The following MTUS2 variants were observed in gnomAD, a reference collection of about 807,000 sequenced individuals.
The protein encoded by MTUS2 is microtubule associated scaffold protein 2, also known as microtubule-associated tumor suppressor candidate 2.
A neutral mutation model predicts 114.1 loss-of-function variants in MTUS2; 40 were observed. The observed-to-expected ratio is 0.35, with a 90% CI of 0.27 to 0.46. The LOEUF is 0.46. Ranked by LOEUF, MTUS2 falls within the 20% of genes least tolerant of loss-of-function variation. The pLI is 1.00. For synonymous variants in MTUS2, 688 were observed against 672.0 expected (o/e 1.02, Z -0.37); for missense variants, 1,679 against 1,705.4 (o/e 0.98, Z 0.27).
chr13:28,978,811 T>G (rs1428977734), intron 2 of MTUS2, among the ~76,000 whole-genome samples: 2 of 152,196 alleles, frequency 1.3e-5, no homozygotes, highest in East Asian at 1.9e-4. Context: ...GTCAGTGGAC[T>G]CTACACTATC....
chr13:29,472,486 T>G (rs1031239996), intron 9 of MTUS2, among the ~76,000 whole-genome samples: 1 of 152,218 alleles, frequency 6.6e-6, no homozygotes, highest in Non-Finnish European at 1.5e-5. Context: ...CTTGCGGATG[T>G]TCCTGTGACC....
At chr13:29,127,928 ATACG>A (rs1318933811) in intron 5 of MTUS2, among the ~76,000 whole-genome samples, 11 of 152,250 alleles carry the variant, frequency 7.2e-5, no homozygotes, top group African/African-American at 2.7e-4. Flanking sequence ...GCAAAGTGCT[ATACG>A]TACAAACCTG....
chr13:29,107,914 T>C (rs1221859323), intron 5 of MTUS2, among the ~76,000 whole-genome samples: 2 of 152,186 alleles, frequency 1.3e-5, no homozygotes, highest in Non-Finnish European at 2.9e-5. Flanking sequence ...TTCTTTTAAT[T>C]ATTGAATAGG....
intron 8 of MTUS2, chr13:29,428,828 A>G: frequency 6.2e-7 from 1 of 1,613,864 alleles, no homozygotes. Context: ...TCCCCTTGCC[A>G]GCCAGCCTGC....
chr13:29,313,881 CT>C (rs1899877341), intron 6 of MTUS2, among the ~76,000 whole-genome samples: 2 of 152,062 alleles, frequency 1.3e-5, no homozygotes, highest in Non-Finnish European at 2.9e-5. Flanking sequence ...AGTAGCAACC[CT>C]GGAAGTTAAA....
At chr13:28,960,784 G>A (rs568530638) in intron 2 of MTUS2, among the ~76,000 whole-genome samples, 3 of 152,248 alleles carry the variant, frequency 2.0e-5, no homozygotes, top group African/African-American at 7.2e-5. Flanking sequence ...AGTGGTAGTT[G>A]TTGCACAACT....
intron 8 of MTUS2, among the ~76,000 whole-genome samples, chr13:29,369,833 C>A (rs1871058987): frequency 6.6e-6 from 1 of 152,152 alleles, no homozygotes; most frequent in Non-Finnish European, 1.5e-5. Flanking sequence ...GATATTATTT[C>A]TCAAATTCTT....
intron 2 of MTUS2, among the ~76,000 whole-genome samples, chr13:28,985,436 A>G (rs528646483): frequency 6.6e-6 from 1 of 152,266 alleles, no homozygotes; most frequent in South Asian, 2.1e-4. Flanking sequence ...AATTTGGTAT[A>G]TTGTTATAAT....
intron 5 of MTUS2, among the ~76,000 whole-genome samples, chr13:29,272,092 G>C (rs1897901756): frequency 2.0e-5 from 3 of 152,246 alleles, no homozygotes; most frequent in Admixed American, 2.0e-4. Flanking sequence ...GCAATGGCAA[G>C]ATCTCAGGTT....
chr13:29,416,511 ATATATT>A (rs1382213944), intron 8 of MTUS2, among the ~76,000 whole-genome samples: 2 of 151,400 alleles, frequency 1.3e-5, no homozygotes, highest in East Asian at 1.9e-4. Flanking sequence ...TATATATAGC[ATATATT>A]TATATATGCT....
intron 1 of MTUS2, among the ~76,000 whole-genome samples, chr13:28,822,865 A>T (rs1202996485): frequency 1.3e-5 from 2 of 152,222 alleles, no homozygotes; most frequent in Non-Finnish European, 2.9e-5. Context: ...AGATGAAAAA[A>T]ATCTGTACAA....
chr13:29,418,833 G>A (rs1046095981), intron 8 of MTUS2, among the ~76,000 whole-genome samples: 1 of 152,172 alleles, frequency 6.6e-6, no homozygotes, highest in African/African-American at 2.4e-5. Context: ...TAGGTCTCAA[G>A]TGACAAATCC....
chr13:29,264,248 C>T, intron 5 of MTUS2, among the ~76,000 whole-genome samples: 1 of 152,264 alleles, frequency 6.6e-6, no homozygotes, highest in Non-Finnish European at 1.5e-5. Flanking sequence ...CCAGGGCACA[C>T]TAGTGCATGG....
Position 28,878,427 on chromosome 13 carries a change from C to G in MTUS2, c.-243+38577C>G, listed in dbSNP as rs542707811. On this transcript the variant is annotated intron_variant, in intron 2 of 15. Coordinates refer to ENST00000612955, the MANE Select transcript of MTUS2 (RefSeq NM_001033602.4). Reference sequence around the variant, plus strand: ...CGTGGTGGTTTGCTGCACAGATCAACCCATCACCTATGTATTAAGTCTTGC... The same window carrying G: ...CGTGGTGGTTTGCTGCACAGATCAAGCCATCACCTATGTATTAAGTCTTGC... Among the ~76,000 whole-genome samples, 3 of 152,202 alleles carry G rather than the reference C, an allele frequency of 2.0e-5. No individual in the cohort carries two copies. The East Asian group carries it at 5.8e-4, about 29-fold the overall frequency.
At chr13:29,240,282 C>T (rs1236218828) in intron 5 of MTUS2, among the ~76,000 whole-genome samples, 1 of 152,190 alleles carries the variant, frequency 6.6e-6, no homozygotes, top group East Asian at 1.9e-4. Context: ...TACTAACAAA[C>T]TATGGAGATG....
At chr13:29,414,778 A>G (rs1237385714) in intron 8 of MTUS2, among the ~76,000 whole-genome samples, 4 of 151,742 alleles carry the variant, frequency 2.6e-5, no homozygotes, top group East Asian at 1.9e-4. Context: ...CTGGTTTTCT[A>G]TTCTTTACTT....
At position 29,117,819 on chromosome 13, in the gene MTUS2, C is replaced by T. The variant is rs1214229002; in HGVS notation, c.2644+16849C>T. Among the ~76,000 whole-genome samples the T allele has an allele frequency of 2.6e-5, 4 of 152,286 alleles. 1 individual carries two copies. Among genetic ancestry groups the T allele is most frequent in the African/African-American group, 9.6e-5 (4 of 41,574 alleles). ...GAAAATGAAAAATGCCACCACACTT[C>T]GGGCCCTGTCAGCCGTGAGGTGTGC... On this transcript the variant is annotated intron_variant, in intron 5 of 15. Coordinates refer to ENST00000612955, the MANE Select transcript of MTUS2 (RefSeq NM_001033602.4).
intron 4 of MTUS2, among the ~76,000 whole-genome samples, chr13:29,093,747 A>AT (rs1385399928): frequency 6.6e-6 from 1 of 152,068 alleles, no homozygotes; most frequent in African/African-American, 2.4e-5. Context: ...TTCTTATTTT[A>AT]TTTTCTTGCC....
chr13:29,120,349 T>A (rs1891256873), intron 5 of MTUS2, among the ~76,000 whole-genome samples: 1 of 152,086 alleles, frequency 6.6e-6, no homozygotes, highest in South Asian at 2.1e-4. Context: ...GCTCCTTCAT[T>A]CTTGTTGTAA....
Sources: gnomAD v4.1 joint callset for allele counts (sites outside exome capture counted in the v4.1 genomes callset) on GRCh38, gnomAD v4.1.1 for gene constraint, MANE v1.5 for transcripts, NCBI Gene and HGNC (gene_info 2026-07-23, HGNC 2026-07-21) for gene names.